Variants in SLC22A3 observed in about 807,000 individuals in gnomAD.
SLC22A3 encodes the protein EMT organic cation transporter 3.
In SLC22A3, 51 loss-of-function variants were observed where a neutral mutation model predicts 59.1. That is an observed-to-expected ratio of 0.86 (90% CI 0.69 to 1.09). The LOEUF is 1.09. Among genes scored for constraint, SLC22A3 ranks in the 50% least tolerant of loss-of-function variants. The probability of loss-of-function intolerance (pLI) is 0.00; values close to 1 mark genes in which losing one functional copy is unlikely to be tolerated. For missense variants in SLC22A3, 711 were observed against 726.3 expected (o/e 0.98, Z 0.24); for synonymous variants, 325 against 292.0 (o/e 1.11, Z -1.15).
chr6:160,383,379 C>T (rs1258383038), intron 1 of SLC22A3, among the ~76,000 whole-genome samples: 1 of 152,112 alleles, frequency 6.6e-6, no homozygotes, highest in Non-Finnish European at 1.5e-5. Flanking sequence ...GAAAGAGCAC[C>T]CCACTCCACT....
At chr6:160,375,915 T>C (rs1231366343) in intron 1 of SLC22A3, among the ~76,000 whole-genome samples, 1 of 152,152 alleles carries the variant, frequency 6.6e-6, no homozygotes, top group Non-Finnish European at 1.5e-5. Context: ...CTGACTAGGT[T>C]TTTAAACCCT....
intron 5 of SLC22A3, among the ~76,000 whole-genome samples, chr6:160,419,202 T>A (rs1787629371): frequency 6.6e-6 from 1 of 151,610 alleles, no homozygotes; most frequent in Non-Finnish European, 1.5e-5. Flanking sequence ...GGGAGACTTC[T>A]AGACCTTAAT....
intron 5 of SLC22A3, among the ~76,000 whole-genome samples, chr6:160,422,896 T>C (rs9457921): frequency 0.019 from 2,832 of 152,248 alleles, 69 homozygotes; most frequent in African/African-American, 0.064. Flanking sequence ...GTTTGTTACA[T>C]ATGTATACAT....
At position 160,450,993 on chromosome 6, in the gene SLC22A3, C is replaced by T. The variant is rs1239531960; in HGVS notation, c.1611-3C>T. ...CTAAAGACTTTCTCCTTTGTTTTTT[C>T]AGTCCACATTCCTGTAAATGTGGCA... On this transcript the variant is annotated splice_region_variant and splice_polypyrimidine_tract_variant and intron_variant, in intron 10 of 10. Transcript: ENST00000275300. The T allele has an allele frequency of 1.3e-6, 2 of 1,587,714 alleles. No individual in the cohort carries two copies. Among genetic ancestry groups the T allele is most frequent in the East Asian group, 2.3e-5 (1 of 43,688 alleles).
chr6:160,348,800 C>T lies in SLC22A3; in HGVS notation c.381C>T (p.Cys127=). Residue 127 remains cysteine, a synonymous_variant, in exon 1 of 11, where the codon TGC becomes TGT. Coordinates refer to ENST00000275300, the MANE Select transcript of SLC22A3 (RefSeq NM_021977.4). ...FPNRSAPLVP[C]RGGWRYAQAH... ...ACCGCTCGGCTCCCCTTGTGCCGTG[C>T]CGCGGCGGCTGGCGCTACGCCCAGG... 1 of 1,577,610 alleles carries T rather than the reference C, an allele frequency of 6.3e-7. No homozygotes were observed. Among genetic ancestry groups the T allele is most frequent in the Middle Eastern group, 1.7e-4 (1 of 5,842 alleles).
intron 1 of SLC22A3, among the ~76,000 whole-genome samples, chr6:160,376,263 G>A (rs908708331): frequency 1.3e-5 from 2 of 151,696 alleles, no homozygotes; most frequent in South Asian, 4.2e-4. Context: ...AACACCACAT[G>A]TTCTCACTCA....
At chr6:160,361,447 T>TAG (rs903607843) in intron 1 of SLC22A3, among the ~76,000 whole-genome samples, 1 of 152,184 alleles carries the variant, frequency 6.6e-6, no homozygotes, top group Admixed American at 6.5e-5. Context: ...TGATACTGAG[T>TAG]AGAGCCATGC....
intron 5 of SLC22A3, among the ~76,000 whole-genome samples, chr6:160,430,072 T>A (rs1049686638): frequency 1.3e-5 from 2 of 151,988 alleles, no homozygotes; most frequent in Non-Finnish European, 1.5e-5. Context: ...GTGTTATAGG[T>A]GCATATATGT....
At chr6:160,361,487 ATACAATGCATATTG>A (rs1484818604) in intron 1 of SLC22A3, among the ~76,000 whole-genome samples, 5 of 152,224 alleles carry the variant, frequency 3.3e-5, no homozygotes, top group African/African-American at 7.2e-5. Flanking sequence ...TATGGGAGTT[ATACAATGCATATTG>A]TACAATGCAT....
At chr6:160,366,230 C>G (rs539850397) in intron 1 of SLC22A3, among the ~76,000 whole-genome samples, 16 of 152,360 alleles carry the variant, frequency 1.1e-4, no homozygotes, top group Admixed American at 3.3e-4. Context: ...TCAGACAAGG[C>G]AAGTCCCTTC....
chr6:160,440,236 T>G lies in SLC22A3; in HGVS notation c.1289-2525T>G, dbSNP rs117614145. ...ATCTTTAATTTGAGTTTATTTAGGA[T>G]GACCACAAACCTAGCAGTTTGGATA... is the stretch of plus-strand genomic sequence containing the variant. On this transcript the variant is annotated intron_variant, in intron 7 of 10. Transcript: ENST00000275300. Among the ~76,000 whole-genome samples, 66 of 152,376 alleles carry G rather than the reference T, an allele frequency of 4.3e-4. No homozygotes were observed. In the East Asian group the frequency reaches 0.012, roughly 28 times the overall value.
intron 1 of SLC22A3, among the ~76,000 whole-genome samples, chr6:160,386,645 C>A (rs1457843408): frequency 6.6e-6 from 1 of 152,190 alleles, no homozygotes; most frequent in Non-Finnish European, 1.5e-5. Context: ...CCCACAGAGC[C>A]CTCCAGATCC....
In SLC22A3 at chr6:160,392,715, G is replaced by A. The variant is rs535335857; in HGVS notation, c.430-5264G>A. On this transcript the variant is annotated intron_variant, in intron 1 of 10. Transcript: ENST00000275300. ...TAATAATGACATCCTTTTTCCTCATGGAAACCCAAACCAAATTATTATTTA... is the reference window on the plus strand; with the variant it reads ...TAATAATGACATCCTTTTTCCTCATAGAAACCCAAACCAAATTATTATTTA... Among the ~76,000 whole-genome samples, 46 of 152,128 alleles carry A rather than the reference G, an allele frequency of 3.0e-4. No individual in the cohort carries two copies. The South Asian group carries it at 9.4e-3, about 31-fold the overall frequency.
chr6:160,431,934 C>T lies in SLC22A3; in HGVS notation c.976-4846C>T, dbSNP rs1583507658. Among the ~76,000 whole-genome samples, 5 of 152,268 alleles carry T rather than the reference C, an allele frequency of 3.3e-5. No homozygotes were observed. In the South Asian group the frequency reaches 8.3e-4, roughly 25 times the overall value. On this transcript the variant is annotated intron_variant, in intron 5 of 10. Coordinates refer to ENST00000275300, the MANE Select transcript of SLC22A3 (RefSeq NM_021977.4). ...AGGGTTGGCCAGACCAGGATCTCAA[C>T]AATCTTATTAAACCATGGTTTTCTT...
At chr6:160,428,488 T>TGC (rs1788043056) in intron 5 of SLC22A3, among the ~76,000 whole-genome samples, 1 of 152,224 alleles carries the variant, frequency 6.6e-6, no homozygotes, top group Non-Finnish European at 1.5e-5. Context: ...AAGTAAACTG[T>TGC]ACAATGGATT....
At chr6:160,424,162 C>A (rs911752571) in intron 5 of SLC22A3, among the ~76,000 whole-genome samples, 2 of 152,108 alleles carry the variant, frequency 1.3e-5, no homozygotes, top group Non-Finnish European at 2.9e-5. Context: ...AAGAATCTGT[C>A]CCAGTGGGCC....
chr6:160,365,839 C>T (rs771077866), intron 1 of SLC22A3, among the ~76,000 whole-genome samples: 16 of 151,988 alleles, frequency 1.1e-4, no homozygotes, highest in African/African-American at 2.9e-4. Flanking sequence ...CTTACGATCA[C>T]GGTGGAAGGG....
At chr6:160,408,964 A>C (rs1787133920) in intron 4 of SLC22A3, 43 bp downstream of exon 4, 2 of 1,563,600 alleles carry the variant, frequency 1.3e-6, no homozygotes, top group African/African-American at 1.4e-5. Flanking sequence ...CTGATTCTGC[A>C]GAAATTAGAC....
chr6:160,400,084 A>ATTTTTTTT lies in SLC22A3; in HGVS notation c.533+2021_533+2028dup, dbSNP rs760874011. On this transcript the variant is annotated intron_variant, in intron 2 of 10. Coordinates refer to ENST00000275300, the MANE Select transcript of SLC22A3 (RefSeq NM_021977.4). ...TCAAAGGAGGGCCCAAGCTTTTGTGATTTTTTTTTTTTTTTTTTTTTTTTT... is the reference window on the plus strand; with the variant it reads ...TCAAAGGAGGGCCCAAGCTTTTGTGATTTTTTTTTTTTTTTTTTTTTTTTTTTTTTTTT... Among the ~76,000 whole-genome samples the ATTTTTTTT allele has an allele frequency of 4.3e-3, 408 of 95,412 alleles. 20 individuals are homozygous for ATTTTTTTT. The highest frequency in any genetic ancestry group is 0.016 in the African/African-American group (390 of 24,472). 62.6% of individuals were successfully genotyped at this position (95,412 alleles called of 152,430 possible).
Sources: allele counts gnomAD v4.1 joint callset (sites outside exome capture counted in the v4.1 genomes callset), GRCh38; gene constraint gnomAD v4.1.1; transcripts MANE v1.5; gene names NCBI Gene and HGNC (gene_info 2026-07-23, HGNC 2026-07-21).